The following SCGN variants were observed in gnomAD, a reference collection of about 807,000 sequenced individuals.
SCGN encodes the protein secretagogin, EF-hand calcium binding protein.
SCGN carries 30 observed loss-of-function variants against 39.7 expected under a neutral mutation model. That is an observed-to-expected ratio of 0.76 (90% CI 0.57 to 1.03). SCGN has a LOEUF of 1.03. Among genes scored for constraint, SCGN ranks in the 50% least tolerant of loss-of-function variants. The pLI is 0.00. For synonymous variants in SCGN, 106 were observed against 114.1 expected (o/e 0.93, Z 0.45); for missense variants, 353 against 349.4 (o/e 1.01, Z -0.08).
chr6:25,676,942 C>T (rs1759571232), intron 6 of SCGN, among the ~76,000 whole-genome samples: 1 of 152,190 alleles, frequency 6.6e-6, no homozygotes, highest in Admixed American at 6.5e-5. Flanking sequence ...GTGCATGGAT[C>T]TACAAAAGCT....
chr6:25,669,690 T>C (rs767386647), intron 5 of SCGN, 123 bp downstream of exon 5: 2 of 753,074 alleles, frequency 2.7e-6, no homozygotes. Context: ...AAAAAATACA[T>C]ACATATGTAC....
intron 2 of SCGN, among the ~76,000 whole-genome samples, chr6:25,657,054 T>G (rs1211263379): frequency 2.0e-5 from 3 of 152,170 alleles, no homozygotes; most frequent in African/African-American, 7.2e-5. Flanking sequence ...TCCATTGTGC[T>G]TTTCCTGTAT....
chr6:25,695,603 C>G (rs1010680845), intron 10 of SCGN, among the ~76,000 whole-genome samples: 3 of 152,142 alleles, frequency 2.0e-5, no homozygotes, highest in African/African-American at 7.2e-5. Context: ...GATATTGGCT[C>G]ACTGCAACCT....
At chr6:25,656,010 A>G (rs1337770400) in intron 2 of SCGN, among the ~76,000 whole-genome samples, 3 of 152,240 alleles carry the variant, frequency 2.0e-5, no homozygotes, top group Non-Finnish European at 2.9e-5. Context: ...GTGTGTTTGC[A>G]GGGACTTTCA....
chr6:25,697,389 G>T (rs1340647856), intron 10 of SCGN, among the ~76,000 whole-genome samples: 1 of 152,176 alleles, frequency 6.6e-6, no homozygotes, highest in Non-Finnish European at 1.5e-5. Flanking sequence ...GATTGGTAGA[G>T]AATTATTTTA....
intron 10 of SCGN, among the ~76,000 whole-genome samples, chr6:25,694,915 C>T (rs1226066207): frequency 1.3e-5 from 2 of 152,058 alleles, no homozygotes; most frequent in African/African-American, 4.8e-5. Flanking sequence ...GTAAACAAAT[C>T]AGTATTTGGA....
intron 6 of SCGN, among the ~76,000 whole-genome samples, chr6:25,679,862 C>T (rs151297394): frequency 1.0e-3 from 155 of 151,006 alleles, no homozygotes; most frequent in African/African-American, 3.4e-3. Context: ...TCTATGGCAC[C>T]AGATGTTTTA....
At chr6:25,664,456 A>G (rs1760394054) in intron 3 of SCGN, among the ~76,000 whole-genome samples, 1 of 152,238 alleles carries the variant, frequency 6.6e-6, no homozygotes, top group African/African-American at 2.4e-5. Context: ...TTCCTCAACT[A>G]GAAAATAACA....
chr6:25,672,284 T>C (rs912554944), intron 6 of SCGN, among the ~76,000 whole-genome samples: 1 of 152,178 alleles, frequency 6.6e-6, no homozygotes, highest in Non-Finnish European at 1.5e-5. Flanking sequence ...TCACCAGGGA[T>C]TCAACAGTGA....
intron 7 of SCGN, among the ~76,000 whole-genome samples, chr6:25,683,877 A>G (rs1429140893): frequency 6.6e-6 from 1 of 152,234 alleles, no homozygotes; most frequent in Non-Finnish European, 1.5e-5. Flanking sequence ...TAAGTAGTAA[A>G]TTATGCAAAC....
At chr6:25,670,448 A>G (rs896415901) in intron 6 of SCGN, among the ~76,000 whole-genome samples, 2 of 152,212 alleles carry the variant, frequency 1.3e-5, no homozygotes, top group Non-Finnish European at 2.9e-5. Context: ...ACCACAGTGG[A>G]TGATTCTCCT....
At chr6:25,669,677 C>T (rs998893682) in intron 5 of SCGN, 110 bp downstream of exon 5, 4 of 888,510 alleles carry the variant, frequency 4.5e-6, no homozygotes, top group South Asian at 1.4e-5. Context: ...GAATATGTGA[C>T]TCAAAAAATA....
chr6:25,682,098 GC>G (rs1759644409), intron 7 of SCGN, 92 bp downstream of exon 7: 2 of 932,144 alleles, frequency 2.1e-6, no homozygotes, highest in Admixed American at 3.8e-5. Context: ...TGGAGATCAA[GC>G]CTCACCTGGA....
rs2072847 is a variant in SCGN at position 25,661,659 on chromosome 6, A to T, written c.246+15A>T. ...GGATGAAAGAGGTAACTTTACTGACAGTATTTTTCATGGCTCTACTCTTCT... is the reference window on the plus strand; with the variant it reads ...GGATGAAAGAGGTAACTTTACTGACTGTATTTTTCATGGCTCTACTCTTCT... On this transcript the variant is annotated intron_variant, in intron 3 of 10. Transcript: ENST00000377961. The T allele has an allele frequency of 0.27, 421,400 of 1,544,078 alleles. 58,100 individuals are homozygous for T. Among genetic ancestry groups the T allele is most frequent in the African/African-American group, 0.3 (22,136 of 73,514 alleles).
rs185815287 is a variant in SCGN at position 25,661,362 on chromosome 6, G to A, written c.154-190G>A. Reference sequence around the variant, plus strand: ...CTAGTCAAGATTCTGATTAGTGCTTGGTTGCTCAAGAAATCTCCAGCATTG... The same window carrying A: ...CTAGTCAAGATTCTGATTAGTGCTTAGTTGCTCAAGAAATCTCCAGCATTG... On this transcript the variant is annotated intron_variant, in intron 2 of 10. Coordinates refer to ENST00000377961, the MANE Select transcript of SCGN (RefSeq NM_006998.4). 2.0e-5 allele frequency among the ~76,000 whole-genome samples: 3 copies of A among 152,238 alleles called. No homozygotes were observed. In the East Asian group the frequency reaches 5.8e-4, roughly 29 times the overall value.
At chr6:25,664,175 A>G (rs994392285) in intron 3 of SCGN, among the ~76,000 whole-genome samples, 16 of 152,204 alleles carry the variant, frequency 1.1e-4, no homozygotes, top group African/African-American at 3.9e-4. Flanking sequence ...AAAAAAGCTG[A>G]TTGGTTGAAT....
chr6:25,662,525 G>A (rs148701082), intron 3 of SCGN, among the ~76,000 whole-genome samples: 1,777 of 152,220 alleles, frequency 0.012, 27 homozygotes, highest in African/African-American at 0.036. Flanking sequence ...ACCTAACACT[G>A]GGAGAGCTAG....
rs552561542 is a variant in SCGN, at chr6:25,701,614, C to T, written c.*279C>T. 5.5e-5 allele frequency: 15 copies of T among 274,156 alleles called. No individual in the cohort carries two copies. In the Admixed American group the frequency reaches 7.6e-4, roughly 14 times the overall value. The allele number at this position is 274,156 out of a possible 1,614,324, so 17.0% of individuals were successfully genotyped here. ...CTGTTAGATGGCTCTGCCTGTCCTT[C>T]CCCAGTCACCAGGGTGGGGGGGACA... On this transcript the variant is annotated 3_prime_UTR_variant, in exon 11 of 11. Coordinates refer to ENST00000377961, the MANE Select transcript of SCGN (RefSeq NM_006998.4).
At chr6:25,683,234 G>A (rs893500825) in intron 7 of SCGN, among the ~76,000 whole-genome samples, 2 of 152,138 alleles carry the variant, frequency 1.3e-5, no homozygotes, top group African/African-American at 4.8e-5. Flanking sequence ...TGGTTCTCTT[G>A]GTCAATGGAG....
Sources: allele counts gnomAD v4.1 joint callset (sites outside exome capture counted in the v4.1 genomes callset), GRCh38; gene constraint gnomAD v4.1.1; transcripts MANE v1.5; gene names NCBI Gene and HGNC (gene_info 2026-07-23, HGNC 2026-07-21).